The following FCRL1 variants were observed in gnomAD, a reference collection of about 807,000 sequenced individuals.
FCRL1 encodes Fc receptor like 1, also known as Fc receptor-like protein 1.
FCRL1 carries 34 observed loss-of-function variants against 49.2 expected under a neutral mutation model. The ratio of observed to expected loss-of-function variants is 0.69; its 90% CI spans 0.53 to 0.92. The LOEUF is 0.92. Among genes scored for constraint, FCRL1 ranks in the 40% least tolerant of loss-of-function variants. The pLI is 0.00. For missense variants in FCRL1, 524 were observed against 524.1 expected, an observed-to-expected ratio of 1.00 and a Z score of 0.00; for synonymous variants, 218 against 201.6, an observed-to-expected ratio of 1.08 and a Z score of -0.69.
At chr1:157,813,191 A>C (rs1203676659) in intron 1 of FCRL1, among the ~76,000 whole-genome samples, 2 of 152,268 alleles carry the variant, frequency 1.3e-5, no homozygotes, top group Non-Finnish European at 2.9e-5. Context: ...AAGCAGGAAC[A>C]CAACAAACAT....
At chr1:157,801,334 T>C (rs1652432512) in intron 6 of FCRL1, 127 bp downstream of exon 6, 2 of 703,774 alleles carry the variant, frequency 2.8e-6, no homozygotes, top group South Asian at 3.4e-5. Context: ...GCTGGCTTTG[T>C]GGGCAGAAAC....
At chr1:157,797,323 G>A (rs1386070740) in intron 9 of FCRL1, among the ~76,000 whole-genome samples, 191 bp from the exon 10 acceptor site, 1 of 152,160 alleles carries the variant, frequency 6.6e-6, no homozygotes, top group African/African-American at 2.4e-5. Flanking sequence ...TGGTAGCCTG[G>A]GGGTGGGAGG....
intron 9 of FCRL1, among the ~76,000 whole-genome samples, chr1:157,797,363 C>T (rs1651681308): frequency 6.6e-6 from 1 of 152,078 alleles, no homozygotes; most frequent in Non-Finnish European, 1.5e-5. Flanking sequence ...CAGGAGGGGC[C>T]TTTATACCTC....
At chr1:157,804,453 C>A (rs886396527) in intron 2 of FCRL1, among the ~76,000 whole-genome samples, 7 of 152,162 alleles carry the variant, frequency 4.6e-5, no homozygotes, top group Non-Finnish European at 2.9e-5. Context: ...TTACTGGAGT[C>A]GGCATTGGAG....
rs186356420 is a variant in FCRL1, at chr1:157,806,402, A to G, written c.52+700T>C. ...CTAGTATTTTCTGCACAAGATAGCA[A>G]TTTTTACATTTTATCATTGAGCTTG... is the stretch of plus-strand genomic sequence containing the variant. On this transcript the variant is annotated intron_variant, in intron 2 of 10. Transcript: ENST00000368176. Among the ~76,000 whole-genome samples, 12 of 152,242 alleles carry G rather than the reference A, an allele frequency of 7.9e-5. No individual in the cohort carries two copies. In the East Asian group the frequency reaches 2.3e-3, roughly 29 times the overall value.
intron 1 of FCRL1, among the ~76,000 whole-genome samples, chr1:157,818,849 A>C (rs1655411317): frequency 1.3e-5 from 2 of 152,222 alleles, no homozygotes; most frequent in Admixed American, 1.3e-4. Flanking sequence ...TTTTTAATAA[A>C]AGATACTGTA....
chr1:157,804,741 T>C (rs1486768629), intron 2 of FCRL1, among the ~76,000 whole-genome samples: 4 of 152,200 alleles, frequency 2.6e-5, no homozygotes, highest in Admixed American at 1.3e-4. Flanking sequence ...GTACCCACCA[T>C]CCACACAGCT....
intron 2 of FCRL1, among the ~76,000 whole-genome samples, chr1:157,804,372 T>A (rs1653060876): frequency 6.6e-6 from 1 of 152,292 alleles, no homozygotes; most frequent in South Asian, 2.1e-4. Flanking sequence ...TGGATCTTAT[T>A]ATTTTTTGAA....
Position 157,802,075 on chromosome 1 carries a change from A to T in FCRL1, c.726T>A (p.Phe242Leu). Residue 242 changes from phenylalanine to leucine, a missense_variant, in exon 5 of 11, where the codon TTT becomes TTA. Physicochemically the swap from Phe to Leu is conservative, Grantham distance 22 (BLOSUM62 0). Coordinates refer to ENST00000368176, the MANE Select transcript of FCRL1 (RefSeq NM_052938.5). ...TCCCCAGGGTGATATCCTCGTGATA[A>T]AACCAGTACAGGATCGGAGGAGAGC... The part of the protein sequence containing the change: ...LRGSPPILYW[F>L]YHEDITLGSR... The T allele has an allele frequency of 6.2e-7, 1 of 1,614,194 alleles. No homozygotes were observed. Among genetic ancestry groups the T allele is most frequent in the African/African-American group, 1.3e-5 (1 of 75,042 alleles).
At position 157,803,980 on chromosome 1, in the gene FCRL1, C is replaced by T. The variant is rs753427334; in HGVS notation, c.184G>A (p.Gly62Ser). 1 of 1,614,164 alleles carries T rather than the reference C, an allele frequency of 6.2e-7. No individual in the cohort carries two copies. The highest frequency in any genetic ancestry group is 1.1e-5 in the South Asian group (1 of 91,080). The change falls in exon 3 of 11, where the codon GGC becomes AGC. Residue 62 changes from glycine to serine, a missense_variant. Transcript: ENST00000368176. ...TTGGGGGAGCTGCTCCAGCCTGGGC[C>T]CAAGGCCCGGGTGTCTCTGAAAAAG... Reference protein sequence around the residue: ...FCFFRDTRALGPGWSSSPKLQ... With the variant: ...FCFFRDTRALSPGWSSSPKLQ...
rs1410669298 is a variant in FCRL1 at position 157,800,039 on chromosome 1, T to C, written c.1031+19A>G. On this transcript the variant is annotated intron_variant, in intron 7 of 10. Coordinates refer to ENST00000368176, the MANE Select transcript of FCRL1 (RefSeq NM_052938.5). ...GATTTTTCTGCATTATTGACACCTA[T>C]AGTGAAAACAGGCCTCACCTGAGTG... The C allele has an allele frequency of 6.2e-7, 1 of 1,610,140 alleles. No individual in the cohort carries two copies. The highest frequency in any genetic ancestry group is 1.1e-5 in the South Asian group (1 of 90,700).
Position 157,802,436 on chromosome 1 carries a change from C to G in FCRL1, c.548G>C (p.Cys183Ser). 1 of 1,614,230 alleles carries G rather than the reference C, an allele frequency of 6.2e-7. No homozygotes were observed. ...GGGACCATAGCCATTTTCAGCTACACAGTAATATTGCTCAGCATCACTCTC... is the reference window on the plus strand; with the variant it reads ...GGGACCATAGCCATTTTCAGCTACAGAGTAATATTGCTCAGCATCACTCTC... ...VRESDAEQYY[C>S]VAENGYGPSP... The change falls in exon 4 of 11, where the codon TGT becomes TCT. Residue 183 changes from cysteine (C) to serine (S), a missense_variant. Physicochemically the swap from Cys to Ser is moderately radical, Grantham distance 112 (BLOSUM62 -1). Coordinates refer to ENST00000368176, the MANE Select transcript of FCRL1 (RefSeq NM_052938.5).
chr1:157,801,065 T>C (rs1353645517), intron 6 of FCRL1, among the ~76,000 whole-genome samples: 3 of 152,118 alleles, frequency 2.0e-5, no homozygotes, highest in African/African-American at 7.2e-5. Context: ...CTAATTTTTG[T>C]ATTTTTAGTA....
At chr1:157,800,214 G>A (rs1652217157) in intron 6 of FCRL1, 129 bp from the exon 7 acceptor site, 1 of 670,698 alleles carries the variant, frequency 1.5e-6, no homozygotes, top group Non-Finnish European at 2.4e-6. Flanking sequence ...GCCACTGTGT[G>A]CCCAGCAGAC....
chr1:157,810,534 T>A (rs1654156637), intron 1 of FCRL1, among the ~76,000 whole-genome samples: 1 of 151,944 alleles, frequency 6.6e-6, no homozygotes, highest in Non-Finnish European at 1.5e-5. Context: ...TGACCTCAGG[T>A]GATCCACCCA....
At chr1:157,817,696 G>A (rs1052004095) in intron 1 of FCRL1, among the ~76,000 whole-genome samples, 2 of 152,012 alleles carry the variant, frequency 1.3e-5, no homozygotes, top group Non-Finnish European at 2.9e-5. Flanking sequence ...CAACCAAAAG[G>A]CTTCAGCATA....
At position 157,797,127 on chromosome 1, in the gene FCRL1, T is replaced by C. The variant is rs764742563; in HGVS notation, c.1192A>G (p.Thr398Ala). The change falls in exon 10 of 11, where the codon ACC becomes GCC. Residue 398 changes from threonine (T) to alanine (A), a missense_variant. Coordinates refer to ENST00000368176, the MANE Select transcript of FCRL1 (RefSeq NM_052938.5). ...QPEQESVAAE[T>A]LGTHMEDKVS... ...TTGTCCTCCATATGTGTCCCCAGGG[T>C]TTCTGCTGTGGAGAAAAGACAAGTG... 9 of 1,613,868 alleles carry C rather than the reference T, an allele frequency of 5.6e-6. No individual in the cohort carries two copies. Among genetic ancestry groups the C allele is most frequent in the Non-Finnish European group, 5.9e-6 (7 of 1,179,832 alleles).
At chr1:157,811,319 T>C (rs1342777483) in intron 1 of FCRL1, among the ~76,000 whole-genome samples, 1 of 152,126 alleles carries the variant, frequency 6.6e-6, no homozygotes, top group Admixed American at 6.5e-5. Flanking sequence ...AGAAATCTTG[T>C]GGATCACAGA....
At chr1:157,799,079 C>T (rs188751867) in intron 7 of FCRL1, among the ~76,000 whole-genome samples, 3 of 152,154 alleles carry the variant, frequency 2.0e-5, no homozygotes, top group Non-Finnish European at 4.4e-5. Flanking sequence ...CGGCTCACTG[C>T]AACCTCCACC....
Sources: gnomAD v4.1 joint callset for allele counts (sites outside exome capture counted in the v4.1 genomes callset) on GRCh38, gnomAD v4.1.1 for gene constraint, MANE v1.5 for transcripts, NCBI Gene and HGNC (gene_info 2026-07-23, HGNC 2026-07-21) for gene names.